The following TTC29 variants were observed in gnomAD, a reference collection of about 807,000 sequenced individuals.
The protein encoded by TTC29 is tetratricopeptide repeat domain 29.
TTC29 carries 49 observed loss-of-function variants against 58.1 expected under a neutral mutation model. The observed-to-expected ratio is 0.84, with a 90% confidence interval of 0.67 to 1.07. TTC29 has a LOEUF of 1.07. Ranked by LOEUF, TTC29 falls within the 50% of genes least tolerant of loss-of-function variation. The pLI, the probability that TTC29 is intolerant of heterozygous loss-of-function variation, is 0.00. For missense variants in TTC29, 582 were observed against 555.6 expected, an observed-to-expected ratio of 1.05 and a Z score of -0.48; for synonymous variants, 209 against 196.8, an observed-to-expected ratio of 1.06 and a Z score of -0.52.
chr4:146,874,625 C>T (rs1241522983), intron 7 of TTC29, 91 bp downstream of exon 7: 22 of 1,029,598 alleles, frequency 2.1e-5, no homozygotes, highest in Non-Finnish European at 3.1e-5. Context: ...GAAATAATCA[C>T]CCTAACACTT....
At chr4:146,708,332 A>G (rs1364197032) in intron 11 of TTC29, among the ~76,000 whole-genome samples, 11 of 68,214 alleles carry the variant, frequency 1.6e-4, no homozygotes, top group African/African-American at 5.1e-4. Flanking sequence ...ATATATATAT[A>G]TATATATATA....
intron 5 of TTC29, among the ~76,000 whole-genome samples, chr4:146,907,596 T>G (rs1733607423): frequency 6.6e-6 from 1 of 152,156 alleles, no homozygotes; most frequent in Non-Finnish European, 1.5e-5. Flanking sequence ...TCTCTCGGGT[T>G]CAAGCAATTC....
intron 11 of TTC29, among the ~76,000 whole-genome samples, chr4:146,749,961 TAA>T (rs906358331): frequency 1.3e-5 from 2 of 151,928 alleles, no homozygotes; most frequent in African/African-American, 4.8e-5. Flanking sequence ...GAAGGAGAAA[TAA>T]AGTCTTTTTC....
Position 146,862,327 on chromosome 4 carries a change from C to A in TTC29, c.885+5171G>T, listed in dbSNP as rs898863450. On this transcript the variant is annotated intron_variant, in intron 8 of 12. Coordinates refer to ENST00000325106, the MANE Select transcript of TTC29 (RefSeq NM_031956.4). ...GAGTGCTCTCTCCTGCTATAGATTT[C>A]TAATAGAAATATTGTAAGCTAGAAG... Among the ~76,000 whole-genome samples the A allele has an allele frequency of 8.6e-5, 13 of 151,394 alleles. No homozygotes were observed. The East Asian group carries it at 2.1e-3, about 25-fold the overall frequency.
At chr4:146,811,850 A>G (rs563130162) in intron 10 of TTC29, among the ~76,000 whole-genome samples, 12 of 152,262 alleles carry the variant, frequency 7.9e-5, no homozygotes, top group African/African-American at 2.6e-4. Context: ...CACATATAAC[A>G]CTATCTTATA....
chr4:146,860,716 T>A (rs2150198620), intron 8 of TTC29, among the ~76,000 whole-genome samples: 1 of 152,274 alleles, frequency 6.6e-6, no homozygotes, highest in South Asian at 2.1e-4. Flanking sequence ...CCATTTAATA[T>A]TTTCAGACTG....
At chr4:146,708,952 C>T (rs1056913605) in intron 11 of TTC29, among the ~76,000 whole-genome samples, 2 of 152,048 alleles carry the variant, frequency 1.3e-5, no homozygotes, top group African/African-American at 4.8e-5. Context: ...GTCCTCTCCT[C>T]CTTGTTCTTT....
intron 11 of TTC29, among the ~76,000 whole-genome samples, chr4:146,710,489 T>TA (rs1266749612): frequency 6.6e-6 from 1 of 152,160 alleles, no homozygotes; most frequent in African/African-American, 2.4e-5. Context: ...CATGACTGGA[T>TA]ACTTCTTCTG....
chr4:146,896,906 C>T (rs774692894), intron 6 of TTC29, among the ~76,000 whole-genome samples: 2 of 152,118 alleles, frequency 1.3e-5, no homozygotes, highest in African/African-American at 2.4e-5. Flanking sequence ...CTAGTTTCTA[C>T]TTTTGTCTTT....
At chr4:146,789,134 G>A (rs906727892) in intron 11 of TTC29, among the ~76,000 whole-genome samples, 2 of 152,130 alleles carry the variant, frequency 1.3e-5, no homozygotes, top group Non-Finnish European at 2.9e-5. Context: ...CATGTAGTGA[G>A]CCGTACATAT....
intron 11 of TTC29, among the ~76,000 whole-genome samples, chr4:146,734,393 G>A (rs1234534469): frequency 6.6e-6 from 1 of 152,118 alleles, no homozygotes; most frequent in East Asian, 1.9e-4. Context: ...CTCTTCATCT[G>A]TAACATTTGC....
At chr4:146,767,517 C>T (rs992632092) in intron 11 of TTC29, among the ~76,000 whole-genome samples, 1 of 151,948 alleles carries the variant, frequency 6.6e-6, no homozygotes, top group African/African-American at 2.4e-5. Context: ...AGTGGAAGCG[C>T]ACATTTCTTC....
At position 146,729,086 on chromosome 4, in the gene TTC29, T is replaced by C. The variant is rs149939240; in HGVS notation, c.1331-21535A>G. Among the ~76,000 whole-genome samples the C allele has an allele frequency of 2.7e-3, 409 of 151,912 alleles. 4 individuals are homozygous for C. Among genetic ancestry groups the C allele is most frequent in the African/African-American group, 9.5e-3 (396 of 41,486 alleles). On this transcript the variant is annotated intron_variant, in intron 11 of 12. Coordinates refer to ENST00000325106, the MANE Select transcript of TTC29 (RefSeq NM_031956.4). ...CATCTATTGTATAAACTTTGAATTA[T>C]TGGGCCAAAGTTTTGTTCATTCTAC...
intron 7 of TTC29, among the ~76,000 whole-genome samples, chr4:146,870,733 T>C (rs906884626): frequency 3.3e-5 from 5 of 151,938 alleles, no homozygotes; most frequent in Admixed American, 6.6e-5. Context: ...ACAAGTTAGA[T>C]AAAGTAGATG....
intron 11 of TTC29, among the ~76,000 whole-genome samples, chr4:146,743,082 C>T (rs1745282095): frequency 6.6e-6 from 1 of 151,824 alleles, no homozygotes; most frequent in African/African-American, 2.4e-5. Flanking sequence ...TAGTCAAAGA[C>T]CTCTTGTCCT....
intron 11 of TTC29, among the ~76,000 whole-genome samples, chr4:146,713,076 C>T (rs917837837): frequency 1.4e-5 from 2 of 147,610 alleles, no homozygotes; most frequent in Admixed American, 6.8e-5. Context: ...AGTCAGTCTC[C>T]TGGGACACAG....
At chr4:146,768,536 A>T (rs1258928899) in intron 11 of TTC29, among the ~76,000 whole-genome samples, 2 of 152,018 alleles carry the variant, frequency 1.3e-5, no homozygotes, top group Non-Finnish European at 2.9e-5. Flanking sequence ...CTAAAAGCAA[A>T]ATTAAAGAAA....
chr4:146,882,380 G>A (rs187254612), intron 6 of TTC29, among the ~76,000 whole-genome samples: 1 of 152,188 alleles, frequency 6.6e-6, no homozygotes, highest in South Asian at 2.1e-4. Flanking sequence ...AAAATGTAAC[G>A]TGTATAATGT....
chr4:146,928,611 C>T (rs1420684511), intron 4 of TTC29, among the ~76,000 whole-genome samples: 1 of 152,186 alleles, frequency 6.6e-6, no homozygotes, highest in Non-Finnish European at 1.5e-5. Context: ...AGACATCCCT[C>T]TAGTTGCTCA....
Sources: allele counts gnomAD v4.1 joint callset (sites outside exome capture counted in the v4.1 genomes callset), GRCh38; gene constraint gnomAD v4.1.1; transcripts MANE v1.5; gene names NCBI Gene and HGNC (gene_info 2026-07-23, HGNC 2026-07-21).